The following ANKS4B variants were observed in gnomAD, a reference collection of about 807,000 sequenced individuals.
The protein encoded by ANKS4B is ankyrin repeat and SAM domain-containing protein 4B.
A neutral mutation model predicts 20.2 loss-of-function variants in ANKS4B; 21 were observed. That is an observed-to-expected ratio of 1.04 (90% confidence interval 0.74 to 1.50). The LOEUF is 1.50. ANKS4B is among the 40% of genes most tolerant of loss of function. The pLI is 0.00. For synonymous variants in ANKS4B, 179 were observed against 194.5 expected (o/e 0.92, Z 0.66); for missense variants, 473 against 494.6 (o/e 0.96, Z 0.41).
At position 21,250,102 on chromosome 16, in the gene ANKS4B, C is replaced by T; in HGVS notation, c.536C>T (p.Thr179Ile). ...ESGTLSSSKG[T>I]FSRSSPSNAS... ...GGGACTCTCTCTTCTTCCAAGGGTA[C>T]CTTCTCCAGATCATCCCCTTCAAAT... The change falls in exon 2 of 2, where the codon ACC (threonine) becomes ATC (isoleucine). Residue 179 changes from threonine to isoleucine, a missense_variant. Transcript: ENST00000311620. The T allele has an allele frequency of 6.2e-7, 1 of 1,614,204 alleles. No individual in the cohort carries two copies. The highest frequency in any genetic ancestry group is 8.5e-7 in the Non-Finnish European group (1 of 1,180,044).
intron 1 of ANKS4B, chr16:21,244,130 G>A (rs886941244): frequency 6.6e-6 from 1 of 151,010 alleles, no homozygotes; most frequent in Non-Finnish European, 1.5e-5. Context: ...GGATGAAGCT[G>A]GAAGCCATCA....
intron 1 of ANKS4B, among the ~76,000 whole-genome samples, chr16:21,236,293 C>T (rs768819855): frequency 6.6e-6 from 1 of 152,116 alleles, no homozygotes; most frequent in Non-Finnish European, 1.5e-5. Context: ...ATGAGAAATT[C>T]GCCCCCACGA....
At position 21,234,994 on chromosome 16, in the gene ANKS4B, G is replaced by A. The variant is rs138093417; in HGVS notation, c.164+1093G>A. On this transcript the variant is annotated intron_variant, in intron 1 of 1. Transcript: ENST00000311620. ...CTCCCGAGTAGCTGGGACAAGAGGT[G>A]TGCACCACCATGCCCAGCAATTTTT... Among the ~76,000 whole-genome samples, 40 of 152,254 alleles carry A rather than the reference G, an allele frequency of 2.6e-4. No individual in the cohort carries two copies. The East Asian group carries it at 7.6e-3, about 29-fold the overall frequency.
At position 21,251,838 on chromosome 16, in the gene ANKS4B, TA is replaced by T. The variant is rs2093339881; in HGVS notation, c.*1020del. ...GGAGCTCTAACCCCTAATGTGACTG[TA>T]ATTGGAAATAAGACCTTTAAAGAAG... On this transcript the variant is annotated 3_prime_UTR_variant, in exon 2 of 2. Transcript: ENST00000311620. 1 of 152,122 alleles carries T rather than the reference TA, an allele frequency of 6.6e-6. No homozygotes were observed. The highest frequency in any genetic ancestry group is 2.1e-4 in the South Asian group (1 of 4,828). 9.4% of individuals were successfully genotyped at this position (152,122 alleles called of 1,614,324 possible). A position where few individuals can be genotyped will look rare whatever the true frequency, so the allele number is the denominator to read the frequency against.
intron 1 of ANKS4B, among the ~76,000 whole-genome samples, chr16:21,243,677 T>C (rs1378074987): frequency 6.6e-6 from 1 of 152,182 alleles, no homozygotes; most frequent in African/African-American, 2.4e-5. Flanking sequence ...GTTCACGCCA[T>C]TCTCCTGCCT....
Position 21,250,623 on chromosome 16 carries a change from CT to C in ANKS4B, c.1058del (p.Leu353ArgfsTer19). The C allele has an allele frequency of 6.2e-7, 1 of 1,614,108 alleles. No individual in the cohort carries two copies. Among genetic ancestry groups the C allele is most frequent in the Non-Finnish European group, 8.5e-7 (1 of 1,179,968 alleles). On this transcript the variant is annotated frameshift_variant, in exon 2 of 2. Transcript: ENST00000311620. LOFTEE classifies it high-confidence loss of function. ...VDATPLEVFL[L>X]SQHLEEFLPI... ...TGCCACGCCCCTGGAAGTGTTCTTG[CT>C]GTCTCAGCACCTGGAAGAATTCCTG... is the stretch of plus-strand genomic sequence containing the variant.
At chr16:21,249,085 A>C (rs2093335652) in intron 1 of ANKS4B, among the ~76,000 whole-genome samples, 1 of 152,246 alleles carries the variant, frequency 6.6e-6, no homozygotes, top group Non-Finnish European at 1.5e-5. Flanking sequence ...TAAGTTAAAC[A>C]CAATAGTATG....
rs554797587 is a variant in ANKS4B, at chr16:21,251,583, A to G, written c.*763A>G. 1 of 152,294 alleles carries G rather than the reference A, an allele frequency of 6.6e-6. No homozygotes were observed. Among genetic ancestry groups the G allele is most frequent in the East Asian group, 1.9e-4 (1 of 5,176 alleles). The allele number at this position is 152,294 out of a possible 1,614,324, so 9.4% of individuals were successfully genotyped here. A position where few individuals can be genotyped will look rare whatever the true frequency, so the allele number is the denominator to read the frequency against. ...CAATTCTTTTTCTCTCCTGAGATCT[A>G]TGACTTTGCCTAGTGGTAGAGACTA... On this transcript the variant is annotated 3_prime_UTR_variant, in exon 2 of 2. Transcript: ENST00000311620.
chr16:21,236,545 C>A (rs1476839061), intron 1 of ANKS4B, among the ~76,000 whole-genome samples: 3 of 152,120 alleles, frequency 2.0e-5, no homozygotes, highest in Non-Finnish European at 2.9e-5. Context: ...CTGAAATATT[C>A]TCTTACAATA....
chr16:21,235,481 G>A (rs1176237399), intron 1 of ANKS4B, among the ~76,000 whole-genome samples: 1 of 152,148 alleles, frequency 6.6e-6, no homozygotes, highest in Non-Finnish European at 1.5e-5. Flanking sequence ...GGGTAGGGAA[G>A]CTGCCAGAGT....
chr16:21,249,536 TG>T (rs1489079936), intron 1 of ANKS4B, among the ~76,000 whole-genome samples, 194 bp from the exon 2 acceptor site: 1 of 152,174 alleles, frequency 6.6e-6, no homozygotes, highest in Admixed American at 6.6e-5. Context: ...GCTCTGTTTC[TG>T]GCCATGTGGT....
chr16:21,238,893 C>T (rs899834177), intron 1 of ANKS4B: 8 of 152,126 alleles, frequency 5.3e-5, no homozygotes, highest in African/African-American at 1.7e-4. Flanking sequence ...AGATTTGTTT[C>T]ATTGCCCTCA....
intron 1 of ANKS4B, among the ~76,000 whole-genome samples, chr16:21,241,002 C>T (rs1456689676): frequency 6.6e-6 from 1 of 152,100 alleles, no homozygotes; most frequent in Non-Finnish European, 1.5e-5. Flanking sequence ...ATATGTTGGC[C>T]AGGCCGGTCT....
chr16:21,238,044 C>A (rs2093322309), intron 1 of ANKS4B, among the ~76,000 whole-genome samples: 1 of 152,176 alleles, frequency 6.6e-6, no homozygotes, highest in Non-Finnish European at 1.5e-5. Context: ...GCCTATAATC[C>A]CAGCTACTCA....
intron 1 of ANKS4B, among the ~76,000 whole-genome samples, chr16:21,241,334 C>T (rs546338586): frequency 6.6e-6 from 1 of 152,252 alleles, no homozygotes; most frequent in East Asian, 1.9e-4. Flanking sequence ...AGTGGGTTTT[C>T]CATTCCTGTG....
At chr16:21,241,521 C>A (rs1237494886) in intron 1 of ANKS4B, among the ~76,000 whole-genome samples, 1 of 152,146 alleles carries the variant, frequency 6.6e-6, no homozygotes, top group Non-Finnish European at 1.5e-5. Context: ...TCAAGCAATT[C>A]TCCTGCCTGT....
Position 21,233,898 on chromosome 16 carries a change from G to C in ANKS4B, c.161G>C (p.Arg54Thr). The C allele has an allele frequency of 6.2e-7, 1 of 1,611,668 alleles. No homozygotes were observed. Among genetic ancestry groups the C allele is most frequent in the Non-Finnish European group, 8.5e-7 (1 of 1,178,868 alleles). The change falls in exon 1 of 2, where the codon AGA (arginine) becomes ACA (threonine). Residue 54 changes from arginine to threonine, a missense_variant. Arg to Thr is a moderately conservative substitution (Grantham distance 71, BLOSUM62 -1). Coordinates refer to ENST00000311620, the MANE Select transcript of ANKS4B (RefSeq NM_145865.3). ...GAAGCCCTAGAGATAATCTGCAGTA[G>C]AGGGTAAGTTCAACCCGATGGTTTC... ...NLEALEIICS[R>T]GGDPDRCDIW...
At chr16:21,247,522 A>T (rs2093333884) in intron 1 of ANKS4B, among the ~76,000 whole-genome samples, 1 of 152,166 alleles carries the variant, frequency 6.6e-6, no homozygotes, top group Non-Finnish European at 1.5e-5. Context: ...GAATGTTAAG[A>T]GGACTTCTCA....
In ANKS4B at chr16:21,250,994, CA is replaced by C; in HGVS notation, c.*177del. 6.4e-6 allele frequency: 5 copies of C among 785,232 alleles called. No individual in the cohort carries two copies. Among genetic ancestry groups the C allele is most frequent in the Non-Finnish European group, 9.5e-6 (5 of 528,364 alleles). 48.6% of individuals were successfully genotyped at this position (785,232 alleles called of 1,614,324 possible). ...CTCTGGGAGGTAGGCTATGCCCATCCAAATAAATCTCCATGAGAAACTTGAG... is the reference window on the plus strand; with the variant it reads ...CTCTGGGAGGTAGGCTATGCCCATCCAATAAATCTCCATGAGAAACTTGAG... On this transcript the variant is annotated 3_prime_UTR_variant, in exon 2 of 2. Coordinates refer to ENST00000311620, the MANE Select transcript of ANKS4B (RefSeq NM_145865.3).
Sources: allele counts gnomAD v4.1 joint callset (sites outside exome capture counted in the v4.1 genomes callset), GRCh38; gene constraint gnomAD v4.1.1; transcripts MANE v1.5; gene names NCBI Gene and HGNC (gene_info 2026-07-23, HGNC 2026-07-21).